Variants in CNTN3 observed in about 807,000 individuals in gnomAD.
CNTN3 encodes the protein contactin-3.
Under a neutral mutation model 119.1 loss-of-function variants are expected in CNTN3, and 60 were observed. The ratio of observed to expected loss-of-function variants is 0.50; its 90% CI spans 0.41 to 0.62. The LOEUF (loss-of-function observed/expected upper bound fraction) is 0.62, where lower values mean the gene tolerates loss of function less well. Among genes scored for constraint, CNTN3 ranks in the 20% least tolerant of loss-of-function variants. The pLI, the probability that CNTN3 is intolerant of heterozygous loss-of-function variation, is 0.00. For missense variants in CNTN3, 1,101 were observed against 1,242.4 expected (o/e 0.89, Z 1.71); for synonymous variants, 450 against 438.7 (o/e 1.03, Z -0.32).
intron 4 of CNTN3, among the ~76,000 whole-genome samples, chr3:74,458,576 C>T (rs893777454): frequency 6.6e-6 from 1 of 151,942 alleles, no homozygotes; most frequent in Non-Finnish European, 1.5e-5. Context: ...ATATGGCCCA[C>T]AAAGGAGTCA....
At chr3:74,533,584 G>A (rs1387084274) in intron 1 of CNTN3, among the ~76,000 whole-genome samples, 4 of 151,902 alleles carry the variant, frequency 2.6e-5, no homozygotes, top group Admixed American at 6.6e-5. Context: ...AACTGAGGTA[G>A]AAAAACATTA....
chr3:74,462,135 C>T (rs960281317), intron 4 of CNTN3, among the ~76,000 whole-genome samples: 8 of 152,070 alleles, frequency 5.3e-5, no homozygotes, highest in African/African-American at 1.9e-4. Flanking sequence ...CTTCATCCTG[C>T]TCCAGCTACT....
At chr3:74,398,280 T>C (rs892560768) in intron 5 of CNTN3, among the ~76,000 whole-genome samples, 1 of 152,194 alleles carries the variant, frequency 6.6e-6, no homozygotes, top group African/African-American at 2.4e-5. Context: ...TTTAAGAAAC[T>C]GCCACAATCA....
At chr3:74,413,247 C>T (rs1312038317) in intron 5 of CNTN3, among the ~76,000 whole-genome samples, 1 of 152,170 alleles carries the variant, frequency 6.6e-6, no homozygotes, top group Non-Finnish European at 1.5e-5. Context: ...TCAGCCAACC[C>T]ACTGCTTAGA....
intron 13 of CNTN3, among the ~76,000 whole-genome samples, chr3:74,303,115 T>G (rs900427190): frequency 2.6e-5 from 4 of 152,124 alleles, no homozygotes; most frequent in African/African-American, 9.7e-5. Flanking sequence ...TGCACCAGGG[T>G]GACACTTCTT....
intron 4 of CNTN3, among the ~76,000 whole-genome samples, chr3:74,455,367 C>G (rs889492158): frequency 5.3e-5 from 8 of 152,100 alleles, no homozygotes; most frequent in South Asian, 2.1e-4. Flanking sequence ...CTCCTTTAAG[C>G]ACTTCTCTGT....
At chr3:74,439,656 G>T (rs1008151026) in intron 4 of CNTN3, among the ~76,000 whole-genome samples, 1 of 152,144 alleles carries the variant, frequency 6.6e-6, no homozygotes, top group Non-Finnish European at 1.5e-5. Context: ...TCAGAGGCAG[G>T]CTGATGGCAC....
intron 2 of CNTN3, among the ~76,000 whole-genome samples, chr3:74,503,463 A>G (rs1703200999): frequency 6.6e-6 from 1 of 152,150 alleles, no homozygotes; most frequent in Admixed American, 6.5e-5. Flanking sequence ...CTCAGAAAAG[A>G]GACAAGGCCT....
Position 74,421,621 on chromosome 3 carries a change from A to G in CNTN3, c.454+3224T>C, listed in dbSNP as rs552896577. Among the ~76,000 whole-genome samples the G allele has an allele frequency of 2.6e-5, 4 of 152,370 alleles. No homozygotes were observed. The East Asian group carries it at 7.7e-4, about 29-fold the overall frequency. ...ATTTCTAACCACAGAGAGGGAACCA[A>G]GAAGAAATGAAGAAATGTGAAGTGA... On this transcript the variant is annotated intron_variant, in intron 5 of 22. Coordinates refer to ENST00000263665, the MANE Select transcript of CNTN3 (RefSeq NM_020872.3).
chr3:74,317,688 A>G (rs1702870795), intron 13 of CNTN3, among the ~76,000 whole-genome samples: 1 of 152,236 alleles, frequency 6.6e-6, no homozygotes, highest in Non-Finnish European at 1.5e-5. Context: ...TGGCTTGTAG[A>G]GTTTCTGTGG....
chr3:74,486,007 C>A (rs1702849866), intron 4 of CNTN3, among the ~76,000 whole-genome samples: 1 of 152,094 alleles, frequency 6.6e-6, no homozygotes, highest in African/African-American at 2.4e-5. Context: ...TTCTGACAGT[C>A]TTTCTTCCTT....
chr3:74,589,295 A>G (rs976890797), intron 1 of CNTN3, among the ~76,000 whole-genome samples: 1 of 152,130 alleles, frequency 6.6e-6, no homozygotes, highest in African/African-American at 2.4e-5. Flanking sequence ...AAGTGGGCAA[A>G]GGATATGAAC....
chr3:74,362,153 T>C, intron 10 of CNTN3, 113 bp from the exon 11 acceptor site: 1 of 1,134,322 alleles, frequency 8.8e-7, no homozygotes, highest in South Asian at 1.6e-5. Flanking sequence ...AGGGTGTCAG[T>C]GCTTGATTTA....
intron 11 of CNTN3, among the ~76,000 whole-genome samples, chr3:74,354,841 A>C (rs531547815): frequency 2.0e-5 from 3 of 152,282 alleles, no homozygotes; most frequent in African/African-American, 7.2e-5. Flanking sequence ...TCAATCACTA[A>C]ATCATTAAAT....
intron 13 of CNTN3, among the ~76,000 whole-genome samples, chr3:74,311,420 T>A (rs1267569456): frequency 6.6e-6 from 1 of 152,186 alleles, no homozygotes; most frequent in South Asian, 2.1e-4. Context: ...AAAAGGTTTA[T>A]AAAATCAGAA....
At chr3:74,550,521 C>G (rs1257559543) in intron 1 of CNTN3, among the ~76,000 whole-genome samples, 1 of 152,020 alleles carries the variant, frequency 6.6e-6, no homozygotes, top group African/African-American at 2.4e-5. Context: ...ACTTTTTGCT[C>G]CTGTTGTTGT....
intron 13 of CNTN3, among the ~76,000 whole-genome samples, chr3:74,319,510 T>C (rs542236910): frequency 2.6e-5 from 4 of 152,178 alleles, no homozygotes; most frequent in Admixed American, 2.0e-4. Flanking sequence ...TATACAAAAA[T>C]TAATTCAAGA....
intron 11 of CNTN3, 129 bp from the exon 12 acceptor site, chr3:74,336,787 T>A: frequency 1.6e-6 from 1 of 616,754 alleles, no homozygotes; most frequent in Non-Finnish European, 2.6e-6. Context: ...AGTCCTTAGC[T>A]TTTTGGGAAT....
At chr3:74,466,268 T>C (rs1702459145) in intron 4 of CNTN3, among the ~76,000 whole-genome samples, 2 of 152,118 alleles carry the variant, frequency 1.3e-5, no homozygotes, top group Non-Finnish European at 2.9e-5. Flanking sequence ...GGCATAACAT[T>C]AGTCTTGCTG....
Sources: allele counts gnomAD v4.1 joint callset (sites outside exome capture counted in the v4.1 genomes callset), GRCh38; gene constraint gnomAD v4.1.1; transcripts MANE v1.5; gene names NCBI Gene and HGNC (gene_info 2026-07-23, HGNC 2026-07-21).